NEGR1: variants seen among roughly 807,000 people sequenced by gnomAD.
NEGR1 encodes neuronal growth regulator 1.
NEGR1 carries 10 observed loss-of-function variants against 40.9 expected under a neutral mutation model. The observed-to-expected ratio is 0.24, with a 90% confidence interval of 0.15 to 0.42. The LOEUF (loss-of-function observed/expected upper bound fraction) is 0.42, where lower values mean the gene tolerates loss of function less well. Among genes scored for constraint, NEGR1 ranks in the 10% least tolerant of loss-of-function variants. NEGR1 has a pLI of 1.00. For missense variants in NEGR1, 352 were observed against 438.9 expected (o/e 0.80, Z 1.77); for synonymous variants, 185 against 166.8 (o/e 1.11, Z -0.84).
At chr1:72,099,107 T>C (rs1648830430) in intron 1 of NEGR1, among the ~76,000 whole-genome samples, 1 of 151,906 alleles carries the variant, frequency 6.6e-6, no homozygotes, top group Non-Finnish European at 1.5e-5. Context: ...AAATTCATAA[T>C]TATTAGAGAG....
intron 2 of NEGR1, among the ~76,000 whole-genome samples, chr1:71,928,537 CA>C (rs1645822894): frequency 7.6e-6 from 1 of 131,400 alleles, no homozygotes; most frequent in Non-Finnish European, 1.6e-5. Flanking sequence ...CATCTATACA[CA>C]TATATATACA....
intron 1 of NEGR1, among the ~76,000 whole-genome samples, chr1:72,213,814 C>T (rs757238906): frequency 3.3e-5 from 5 of 151,978 alleles, no homozygotes; most frequent in Non-Finnish European, 5.9e-5. Context: ...GCATTCCTTC[C>T]GAAACTATCC....
At chr1:71,898,981 CATAT>C (rs55674579) in intron 2 of NEGR1, among the ~76,000 whole-genome samples, 777 of 51,184 alleles carry the variant, frequency 0.015, 7 homozygotes, top group East Asian at 0.052. Context: ...ATATATATAG[CATAT>C]ATATATATAT....
chr1:71,672,059 T>C (rs529089436), intron 4 of NEGR1, among the ~76,000 whole-genome samples: 1 of 152,048 alleles, frequency 6.6e-6, no homozygotes, highest in South Asian at 2.1e-4. Flanking sequence ...ATTTCAACCA[T>C]AGTAAAAACT....
intron 1 of NEGR1, among the ~76,000 whole-genome samples, chr1:71,963,698 T>C (rs1646187288): frequency 6.6e-6 from 1 of 152,192 alleles, no homozygotes; most frequent in African/African-American, 2.4e-5. Context: ...CAAACTTTAT[T>C]AAAATGTCTA....
intron 2 of NEGR1, among the ~76,000 whole-genome samples, chr1:71,904,513 T>A (rs933192586): frequency 1.3e-5 from 2 of 152,136 alleles, no homozygotes; most frequent in Non-Finnish European, 2.9e-5. Flanking sequence ...CTTAAACTTT[T>A]AAACACTGTC....
rs1569888362 is a variant in NEGR1 at position 71,451,244 on chromosome 1, G to A, written c.941-43674C>T. ...CTTTAGCATATTCTAACAAAGTTCT[G>A]AGGTTTTTTTACTTTAGCTAATTCT... On this transcript the variant is annotated intron_variant, in intron 6 of 6. Coordinates refer to ENST00000357731, the MANE Select transcript of NEGR1 (RefSeq NM_173808.3). 2.6e-5 allele frequency among the ~76,000 whole-genome samples: 4 copies of A among 152,046 alleles called. No individual in the cohort carries two copies. In the Middle Eastern group the frequency reaches 0.01, roughly 396 times the overall value.
At chr1:71,890,098 A>G (rs1029863431) in intron 2 of NEGR1, among the ~76,000 whole-genome samples, 12 of 133,118 alleles carry the variant, frequency 9.0e-5, no homozygotes, top group African/African-American at 2.6e-4. Flanking sequence ...AACCGGTACC[A>G]GCCGCTGCAA....
At chr1:72,048,863 G>T (rs1647028781) in intron 1 of NEGR1, among the ~76,000 whole-genome samples, 1 of 151,530 alleles carries the variant, frequency 6.6e-6, no homozygotes, top group Non-Finnish European at 1.5e-5. Context: ...ATATCCTAGA[G>T]ATATTCTCCT....
chr1:71,552,212 A>G (rs1440766236), intron 6 of NEGR1, among the ~76,000 whole-genome samples: 1 of 151,370 alleles, frequency 6.6e-6, no homozygotes, highest in Non-Finnish European at 1.5e-5. Flanking sequence ...TGCCTTTAGC[A>G]AGAATATTAT....
chr1:71,448,032 A>G (rs897258129), intron 6 of NEGR1, among the ~76,000 whole-genome samples: 1 of 152,202 alleles, frequency 6.6e-6, no homozygotes, highest in Non-Finnish European at 1.5e-5. Flanking sequence ...ATGAAATGGG[A>G]AAGAACAAAC....
intron 6 of NEGR1, among the ~76,000 whole-genome samples, chr1:71,499,963 G>A (rs1188806951): frequency 6.6e-6 from 1 of 152,064 alleles, no homozygotes; most frequent in Non-Finnish European, 1.5e-5. Flanking sequence ...ATAATGATGT[G>A]TGATGTGCTT....
intron 1 of NEGR1, among the ~76,000 whole-genome samples, chr1:72,121,279 T>A (rs942931749): frequency 1.3e-5 from 2 of 152,088 alleles, no homozygotes; most frequent in African/African-American, 2.4e-5. Context: ...CTGAACATTT[T>A]AAAAATTAAT....
At chr1:71,458,090 C>T (rs1224362659) in intron 6 of NEGR1, among the ~76,000 whole-genome samples, 4 of 152,152 alleles carry the variant, frequency 2.6e-5, no homozygotes, top group East Asian at 3.9e-4. Context: ...TATCCTAGAT[C>T]TATTTAACTG....
intron 6 of NEGR1, among the ~76,000 whole-genome samples, chr1:71,426,060 A>G (rs567082437): frequency 6.6e-6 from 1 of 152,314 alleles, no homozygotes; most frequent in Admixed American, 6.5e-5. Flanking sequence ...ACATATATGC[A>G]TACATACACA....
chr1:72,202,910 A>G (rs1046389922), intron 1 of NEGR1, among the ~76,000 whole-genome samples: 3 of 152,028 alleles, frequency 2.0e-5, no homozygotes, highest in African/African-American at 7.2e-5. Context: ...GGACGAAAGC[A>G]CATCTGTTTA....
chr1:72,027,620 A>G (rs1432255295), intron 1 of NEGR1, among the ~76,000 whole-genome samples: 9 of 152,188 alleles, frequency 5.9e-5, no homozygotes. Flanking sequence ...TTAGTCTTTC[A>G]AATTTTGGCT....
chr1:71,429,296 T>C (rs2101291107), intron 6 of NEGR1, among the ~76,000 whole-genome samples: 2 of 152,324 alleles, frequency 1.3e-5, no homozygotes, highest in Middle Eastern at 3.4e-3. Flanking sequence ...CAAATCTCTA[T>C]GTACCATCAG....
chr1:71,777,334 TAGAA>T, intron 2 of NEGR1, among the ~76,000 whole-genome samples: 1 of 152,256 alleles, frequency 6.6e-6, no homozygotes, highest in Middle Eastern at 3.4e-3. Flanking sequence ...TTAAAGGACT[TAGAA>T]AAGTGCCTGA....
Sources: allele counts gnomAD v4.1 joint callset (sites outside exome capture counted in the v4.1 genomes callset), GRCh38; gene constraint gnomAD v4.1.1; transcripts MANE v1.5; gene names NCBI Gene and HGNC (gene_info 2026-07-23, HGNC 2026-07-21).